The following TMEM132D variants were observed in gnomAD, a reference collection of about 807,000 sequenced individuals.
TMEM132D encodes the protein mature OL transmembrane protein.
TMEM132D carries 21 observed loss-of-function variants against 62.3 expected under a neutral mutation model. That is an observed-to-expected ratio of 0.34 (90% confidence interval 0.24 to 0.49). TMEM132D has a LOEUF of 0.49. Ranked by LOEUF, TMEM132D falls within the 20% of genes least tolerant of loss-of-function variation. TMEM132D has a pLI of 0.99. For synonymous variants in TMEM132D, 621 were observed against 575.6 expected (o/e 1.08, Z -1.13); for missense variants, 1,346 against 1,402.8 (o/e 0.96, Z 0.65).
intron 5 of TMEM132D, among the ~76,000 whole-genome samples, chr12:129,093,099 C>A (rs1254973244): frequency 2.0e-5 from 3 of 152,188 alleles, no homozygotes; most frequent in Non-Finnish European, 2.9e-5. Context: ...ACATGCTGGA[C>A]CAGTTTCAAA....
intron 1 of TMEM132D, among the ~76,000 whole-genome samples, chr12:129,798,842 A>G (rs1871648340): frequency 6.6e-6 from 1 of 152,216 alleles, no homozygotes; most frequent in South Asian, 2.1e-4. Context: ...TTCTGGCTTG[A>G]GCAGAAGTTG....
At chr12:129,832,316 A>G (rs1387295092) in intron 1 of TMEM132D, among the ~76,000 whole-genome samples, 1 of 151,454 alleles carries the variant, frequency 6.6e-6, no homozygotes, top group Non-Finnish European at 1.5e-5. Context: ...AGAAGATGTA[A>G]CAGAGGCCAC....
intron 2 of TMEM132D, among the ~76,000 whole-genome samples, chr12:129,646,286 A>G (rs555047763): frequency 6.6e-6 from 1 of 152,254 alleles, no homozygotes; most frequent in South Asian, 2.1e-4. Context: ...TTCAGCAGGT[A>G]TTATTTTACC....
At chr12:129,581,559 A>T (rs1877864293) in intron 2 of TMEM132D, among the ~76,000 whole-genome samples, 1 of 151,914 alleles carries the variant, frequency 6.6e-6, no homozygotes, top group African/African-American at 2.4e-5. Flanking sequence ...AGAGTCCAAA[A>T]GCTGAAGAAC....
intron 4 of TMEM132D, among the ~76,000 whole-genome samples, chr12:129,306,651 T>C (rs191669682): frequency 9.8e-5 from 15 of 152,344 alleles, no homozygotes; most frequent in Admixed American, 9.1e-4. Context: ...TTATTTATGG[T>C]TCTGAGTGGT....
rs1045252793 is a variant in TMEM132D at position 129,141,133 on chromosome 12, C to T, written c.1444-56431G>A. Among the ~76,000 whole-genome samples the T allele has an allele frequency of 1.2e-4, 19 of 152,274 alleles. No homozygotes were observed. The South Asian group carries it at 3.5e-3, about 28-fold the overall frequency. On this transcript the variant is annotated intron_variant, in intron 5 of 8. Coordinates refer to ENST00000422113, the MANE Select transcript of TMEM132D (RefSeq NM_133448.3). ...AAGTGGAAAAAAGCTTTGCTTTCTG[C>T]GAACTCAACATTGGCATTGCTAGAA...
At chr12:129,512,029 G>A (rs1000455095) in intron 3 of TMEM132D, among the ~76,000 whole-genome samples, 7 of 152,154 alleles carry the variant, frequency 4.6e-5, no homozygotes, top group African/African-American at 1.7e-4. Context: ...TGAAATGTAG[G>A]CATTTTTGTT....
chr12:129,713,832 T>G (rs1405298683), intron 1 of TMEM132D, among the ~76,000 whole-genome samples: 1 of 152,056 alleles, frequency 6.6e-6, no homozygotes, highest in Non-Finnish European at 1.5e-5. Flanking sequence ...GTTCAGCAGG[T>G]TTGGGTGGAA....
intron 5 of TMEM132D, among the ~76,000 whole-genome samples, chr12:129,104,677 A>G (rs1458591589): frequency 1.3e-5 from 2 of 151,742 alleles, no homozygotes; most frequent in Non-Finnish European, 2.9e-5. Context: ...ATCTACAATG[A>G]ACTCAAACAA....
chr12:129,300,432 T>C (rs150474431), intron 4 of TMEM132D, among the ~76,000 whole-genome samples: 352 of 152,304 alleles, frequency 2.3e-3, no homozygotes, highest in Non-Finnish European at 4.1e-3. Flanking sequence ...CCCACCTAAC[T>C]TAGGAGTCCA....
chr12:129,465,672 A>T (rs1873866622), intron 3 of TMEM132D, among the ~76,000 whole-genome samples: 3 of 152,180 alleles, frequency 2.0e-5, no homozygotes, highest in Admixed American at 2.0e-4. Context: ...AGAGAGCCCA[A>T]ATCATGAGTG....
chr12:129,171,814 G>A (rs4103620), intron 5 of TMEM132D, among the ~76,000 whole-genome samples: 1 of 152,108 alleles, frequency 6.6e-6, no homozygotes, highest in Non-Finnish European at 1.5e-5. Context: ...GATACGCTGC[G>A]ATACAGGCTT....
chr12:129,340,455 C>T (rs1869434430), intron 3 of TMEM132D, among the ~76,000 whole-genome samples: 1 of 151,948 alleles, frequency 6.6e-6, no homozygotes, highest in Non-Finnish European at 1.5e-5. Context: ...TATCCTTCCC[C>T]CTTCCCCCCA....
At chr12:129,549,025 C>A (rs542301294) in intron 2 of TMEM132D, among the ~76,000 whole-genome samples, 1 of 152,238 alleles carries the variant, frequency 6.6e-6, no homozygotes, top group African/African-American at 2.4e-5. Flanking sequence ...TTCCTCCAGA[C>A]ACACAGTGAA....
At chr12:129,543,630 G>A (rs1049513348) in intron 2 of TMEM132D, among the ~76,000 whole-genome samples, 1 of 152,104 alleles carries the variant, frequency 6.6e-6, no homozygotes, top group African/African-American at 2.4e-5. Flanking sequence ...ACTGAAAACT[G>A]TATTGAAAGT....
chr12:129,331,353 C>T (rs1416270318), intron 4 of TMEM132D, among the ~76,000 whole-genome samples: 1 of 152,214 alleles, frequency 6.6e-6, no homozygotes, highest in Non-Finnish European at 1.5e-5. Context: ...GTAACACCAT[C>T]AGCACCAGGT....
chr12:129,537,763 C>T (rs1454395620), intron 2 of TMEM132D, among the ~76,000 whole-genome samples: 3 of 152,212 alleles, frequency 2.0e-5, no homozygotes, highest in African/African-American at 4.8e-5. Flanking sequence ...GGTCTCCACA[C>T]CCCCACAGGG....
At chr12:129,887,697 T>A (rs889091023) in intron 1 of TMEM132D, among the ~76,000 whole-genome samples, 2 of 152,174 alleles carry the variant, frequency 1.3e-5, no homozygotes, top group Non-Finnish European at 2.9e-5. Flanking sequence ...AGTAAAAAAA[T>A]GTGACATTGG....
chr12:129,530,916 A>T, intron 3 of TMEM132D, 143 bp downstream of exon 3: 1 of 831,874 alleles, frequency 1.2e-6, no homozygotes. Context: ...CCATTCATCT[A>T]CCTGGAGGCC....
Sources: gnomAD v4.1 joint callset for allele counts (sites outside exome capture counted in the v4.1 genomes callset) on GRCh38, gnomAD v4.1.1 for gene constraint, MANE v1.5 for transcripts, NCBI Gene and HGNC (gene_info 2026-07-23, HGNC 2026-07-21) for gene names.